SEMA6D: variants seen among roughly 807,000 people sequenced by gnomAD.
The protein encoded by SEMA6D is semaphorin-6D.
A neutral mutation model predicts 106.6 loss-of-function variants in SEMA6D; 35 were observed. That is an observed-to-expected ratio of 0.33 (90% CI 0.25 to 0.44). SEMA6D has a LOEUF of 0.44. Among genes scored for constraint, SEMA6D ranks in the 20% least tolerant of loss-of-function variants. The pLI, the probability that SEMA6D is intolerant of heterozygous loss-of-function variation, is 1.00. For missense variants in SEMA6D, 1,185 were observed against 1,345.9 expected, an observed-to-expected ratio of 0.88 and a Z score of 1.87; for synonymous variants, 499 against 487.7, an observed-to-expected ratio of 1.02 and a Z score of -0.31.
chr15:47,189,924 A>G (rs894453922), intron 1 of SEMA6D, among the ~76,000 whole-genome samples: 1 of 152,202 alleles, frequency 6.6e-6, no homozygotes, highest in African/African-American at 2.4e-5. Context: ...CTGACATGCA[A>G]ATTAACTACT....
At chr15:47,761,789 G>T in intron 7 of SEMA6D, 38 bp downstream of exon 7, 4 of 1,488,292 alleles carry the variant, frequency 2.7e-6, no homozygotes, top group Non-Finnish European at 2.8e-6. Flanking sequence ...AATGATTAAT[G>T]ACATTGAAGG....
intron 1 of SEMA6D, among the ~76,000 whole-genome samples, chr15:47,381,877 G>A (rs2039651744): frequency 6.6e-6 from 1 of 152,166 alleles, no homozygotes; most frequent in African/African-American, 2.4e-5. Context: ...TGCATAGTTA[G>A]AAATGGTCTT....
At chr15:47,766,062 T>A (rs616871) in intron 14 of SEMA6D, 43 bp from the exon 15 acceptor site, 428,243 of 1,612,322 alleles carry the variant, frequency 0.27, 58,260 homozygotes, top group South Asian at 0.29. Flanking sequence ...GAAACCTTTG[T>A]TGATGAGAAA....
intron 3 of SEMA6D, among the ~76,000 whole-genome samples, chr15:47,560,861 C>G (rs1187644985): frequency 1.3e-5 from 2 of 151,890 alleles, no homozygotes; most frequent in African/African-American, 4.8e-5. Context: ...GCAGAGAAGG[C>G]AAAGATTGCC....
chr15:47,242,619 A>G (rs984215018), intron 1 of SEMA6D, among the ~76,000 whole-genome samples: 9 of 152,224 alleles, frequency 5.9e-5, no homozygotes, highest in Admixed American at 2.0e-4. Context: ...CAGATATTGC[A>G]TTAAACTACA....
chr15:47,630,449 C>A (rs958740414), intron 4 of SEMA6D, among the ~76,000 whole-genome samples: 1 of 151,734 alleles, frequency 6.6e-6, no homozygotes, highest in Non-Finnish European at 1.5e-5. Context: ...ATTTTTGTGT[C>A]CTGTGACCTT....
chr15:47,756,565 C>G (rs747185430), intron 1 of SEMA6D, among the ~76,000 whole-genome samples: 1 of 152,130 alleles, frequency 6.6e-6, no homozygotes, highest in Non-Finnish European at 1.5e-5. Flanking sequence ...AAACAGGGCC[C>G]AAGAGCCAGG....
intron 1 of SEMA6D, among the ~76,000 whole-genome samples, chr15:47,338,059 C>T (rs1685294893): frequency 6.6e-6 from 1 of 152,090 alleles, no homozygotes; most frequent in African/African-American, 2.4e-5. Context: ...ACTTTTGTAA[C>T]CTTACGCTAT....
intron 1 of SEMA6D, among the ~76,000 whole-genome samples, chr15:47,282,751 G>A (rs563752426): frequency 6.6e-5 from 10 of 152,256 alleles, no homozygotes; most frequent in Admixed American, 1.3e-4. Context: ...TACTTTTAAT[G>A]TAGATGATGC....
intron 2 of SEMA6D, among the ~76,000 whole-genome samples, chr15:47,413,683 G>T (rs1360221070): frequency 6.6e-6 from 1 of 152,082 alleles, no homozygotes; most frequent in Non-Finnish European, 1.5e-5. Context: ...GGGTATCACT[G>T]TGTTGTCCAA....
chr15:47,438,930 C>T (rs559233370), intron 2 of SEMA6D, among the ~76,000 whole-genome samples: 55 of 152,016 alleles, frequency 3.6e-4, no homozygotes, highest in African/African-American at 1.2e-3. Context: ...GAATTTTATA[C>T]GGCGCAATCT....
At chr15:47,234,213 G>A (rs573905343) in intron 1 of SEMA6D, among the ~76,000 whole-genome samples, 1 of 152,106 alleles carries the variant, frequency 6.6e-6, no homozygotes, top group South Asian at 2.1e-4. Context: ...AAAGACCTAA[G>A]AAGACCCAAA....
chr15:47,366,948 A>G (rs1035907192), intron 1 of SEMA6D, among the ~76,000 whole-genome samples: 4 of 152,190 alleles, frequency 2.6e-5, no homozygotes, highest in South Asian at 2.1e-4. Context: ...ATGACAGCCA[A>G]TAAGGCTCTG....
chr15:47,384,155 G>C (rs931405907), intron 1 of SEMA6D, among the ~76,000 whole-genome samples: 2 of 152,116 alleles, frequency 1.3e-5, no homozygotes, highest in Non-Finnish European at 2.9e-5. Flanking sequence ...GCTTTCACAC[G>C]AGGTCCTCCC....
Position 47,759,658 on chromosome 15 carries a change from G to A in SEMA6D, c.-54-87G>A, listed in dbSNP as rs552509737. 1.1e-5 allele frequency: 7 copies of A among 650,158 alleles called. No individual in the cohort carries two copies. The African/African-American group carries it at 1.3e-4, about 12-fold the overall frequency. The allele number at this position is 650,158 out of a possible 1,614,324, so 40.3% of individuals were successfully genotyped here. ...TGGTGGGAGAGGGGCTTTGGAGGGA[G>A]CTGATGGTGAAAACTGAGCTGATTA... On this transcript the variant is annotated intron_variant, in intron 1 of 18. Transcript: ENST00000536845.
chr15:47,457,612 TAGTC>T (rs1278559235), intron 2 of SEMA6D, among the ~76,000 whole-genome samples: 1 of 151,952 alleles, frequency 6.6e-6, no homozygotes. Context: ...AAGAAAAGGT[TAGTC>T]AATTTGAAGA....
chr15:47,598,093 AG>A (rs1282281203), intron 3 of SEMA6D, among the ~76,000 whole-genome samples: 3 of 151,988 alleles, frequency 2.0e-5, no homozygotes, highest in Non-Finnish European at 2.9e-5. Context: ...AATCTCTAAA[AG>A]GAGATTATAC....
At chr15:47,492,349 G>T (rs917218481) in intron 3 of SEMA6D, among the ~76,000 whole-genome samples, 1 of 152,130 alleles carries the variant, frequency 6.6e-6, no homozygotes, top group African/African-American at 2.4e-5. Flanking sequence ...TCCTGGCAAA[G>T]GGAGCAAAAC....
intron 1 of SEMA6D, among the ~76,000 whole-genome samples, chr15:47,203,515 C>T (rs138993116): frequency 0.012 from 1,853 of 152,196 alleles, 41 homozygotes; most frequent in Admixed American, 0.013. Flanking sequence ...AACCTTTGTT[C>T]CTGTGCCTTT....
Sources: allele counts gnomAD v4.1 joint callset (sites outside exome capture counted in the v4.1 genomes callset), GRCh38; gene constraint gnomAD v4.1.1; transcripts MANE v1.5; gene names NCBI Gene and HGNC (gene_info 2026-07-23, HGNC 2026-07-21).